HAPLN1: variants seen among roughly 807,000 people sequenced by gnomAD.
The protein encoded by HAPLN1 is Cartilage link protein.
HAPLN1 carries 13 observed loss-of-function variants against 36.5 expected under a neutral mutation model. The observed-to-expected ratio is 0.36, with a 90% CI of 0.23 to 0.57. The LOEUF is 0.57. Ranked by LOEUF, HAPLN1 falls within the 20% of genes least tolerant of loss-of-function variation. HAPLN1 has a pLI of 0.83. For missense variants in HAPLN1, 407 were observed against 439.7 expected, an observed-to-expected ratio of 0.93 and a Z score of 0.66; for synonymous variants, 202 against 169.8, an observed-to-expected ratio of 1.19 and a Z score of -1.48.
At chr5:83,658,004 C>T (rs1208116904) in intron 2 of HAPLN1, among the ~76,000 whole-genome samples, 3 of 152,082 alleles carry the variant, frequency 2.0e-5, no homozygotes, top group Non-Finnish European at 4.4e-5. Flanking sequence ...GCAACCATCA[C>T]CACTACCCCT....
intron 2 of HAPLN1, among the ~76,000 whole-genome samples, chr5:83,654,291 G>A (rs1008344905): frequency 2.0e-5 from 3 of 152,144 alleles, no homozygotes; most frequent in African/African-American, 7.2e-5. Flanking sequence ...AATGAAATGC[G>A]AGGATAATGG....
At chr5:83,698,509 A>T (rs930919429) in intron 1 of HAPLN1, among the ~76,000 whole-genome samples, 2 of 152,184 alleles carry the variant, frequency 1.3e-5, no homozygotes, top group Non-Finnish European at 2.9e-5. Flanking sequence ...AGAATTTATG[A>T]AACTAAATCT....
chr5:83,644,045 C>T (rs1370129086), intron 4 of HAPLN1, among the ~76,000 whole-genome samples: 1 of 152,118 alleles, frequency 6.6e-6, no homozygotes, highest in African/African-American at 2.4e-5. Context: ...CCATATCCTA[C>T]GGAGGGCACA....
chr5:83,679,803 G>A (rs912537905), intron 1 of HAPLN1, among the ~76,000 whole-genome samples: 5 of 152,178 alleles, frequency 3.3e-5, no homozygotes, highest in Admixed American at 6.5e-5. Flanking sequence ...CCATGAAGAA[G>A]TGATTCAACT....
intron 1 of HAPLN1, among the ~76,000 whole-genome samples, chr5:83,676,800 A>G (rs535437417): frequency 6.6e-6 from 1 of 152,152 alleles, no homozygotes; most frequent in African/African-American, 2.4e-5. Context: ...CCTGCAATTC[A>G]CACATTGAAG....
rs1039384377 is a variant in HAPLN1, at chr5:83,707,481, G to C, written c.-27+13308C>G. ...CAAAACTGATAAAAACAAGCAATGG[G>C]GAAAAGACTCCCTATACAATAAGTG... On this transcript the variant is annotated intron_variant, in intron 1 of 4. Transcript: ENST00000274341. Among the ~76,000 whole-genome samples, 5 of 152,228 alleles carry C rather than the reference G, an allele frequency of 3.3e-5. No homozygotes were observed. The South Asian group carries it at 1.0e-3, about 32-fold the overall frequency.
chr5:83,646,467 CAAG>C (rs994834075), intron 3 of HAPLN1, among the ~76,000 whole-genome samples: 1 of 152,152 alleles, frequency 6.6e-6, no homozygotes, highest in Non-Finnish European at 1.5e-5. Flanking sequence ...GAAGACTCTA[CAAG>C]AAGAAATTTC....
chr5:83,657,561 T>C (rs971878042), intron 2 of HAPLN1, among the ~76,000 whole-genome samples: 1 of 152,162 alleles, frequency 6.6e-6, no homozygotes, highest in African/African-American at 2.4e-5. Flanking sequence ...CTAGAAAGCC[T>C]TTCCCATTAG....
intron 1 of HAPLN1, among the ~76,000 whole-genome samples, chr5:83,710,100 G>A (rs977695381): frequency 6.6e-6 from 1 of 152,206 alleles, no homozygotes; most frequent in Non-Finnish European, 1.5e-5. Flanking sequence ...TGCTAGTGCA[G>A]GTGGTTTAGA....
chr5:83,645,227 C>T (rs1156341697), intron 3 of HAPLN1, among the ~76,000 whole-genome samples: 1 of 152,106 alleles, frequency 6.6e-6, no homozygotes, highest in Non-Finnish European at 1.5e-5. Flanking sequence ...AATGTATAAA[C>T]AAGCATATTA....
chr5:83,686,532 G>A (rs1191436151), intron 1 of HAPLN1, among the ~76,000 whole-genome samples: 1 of 152,152 alleles, frequency 6.6e-6, no homozygotes, highest in Non-Finnish European at 1.5e-5. Context: ...AAGTAAGAAG[G>A]ATCAATGTCG....
chr5:83,679,831 T>G (rs1327587031), intron 1 of HAPLN1, among the ~76,000 whole-genome samples: 1 of 152,202 alleles, frequency 6.6e-6, no homozygotes, highest in African/African-American at 2.4e-5. Context: ...GGTCAAGTAT[T>G]TTTTATCTGT....
chr5:83,669,263 G>GA (rs1284487940), intron 2 of HAPLN1, among the ~76,000 whole-genome samples: 2 of 152,162 alleles, frequency 1.3e-5, no homozygotes, highest in African/African-American at 4.8e-5. Context: ...AACACTTTGG[G>GA]AGGCTGATGT....
rs1750104111 is a variant in HAPLN1, at chr5:83,652,697, T to G, written c.228A>C (p.Lys76Asn). 1 of 1,614,048 alleles carries G rather than the reference T, an allele frequency of 6.2e-7. No individual in the cohort carries two copies. Residue 76 changes from lysine (K) to asparagine (N), a missense_variant, in exon 3 of 5, where the codon AAA becomes AAC. Coordinates refer to ENST00000274341, the MANE Select transcript of HAPLN1 (RefSeq NM_001884.4). ...TTAGCTTGGTCCACTTAATTCGGAT[T>G]TTATGGATTCCTGAGCCAAATGCTG... is the stretch of plus-strand genomic sequence containing the variant. Reference protein sequence around the residue: ...DPTAFGSGIHKIRIKWTKLTS... With the variant: ...DPTAFGSGIHNIRIKWTKLTS...
Position 83,697,112 on chromosome 5 carries a change from C to G in HAPLN1, c.-26-23563G>C, listed in dbSNP as rs1303857079. Among the ~76,000 whole-genome samples, 8 of 152,128 alleles carry G rather than the reference C, an allele frequency of 5.3e-5. No individual in the cohort carries two copies. The East Asian group carries it at 1.4e-3, about 26-fold the overall frequency. ...ACTTTCTGTCTCTATGGATGCCATT[C>G]TAAATGATTCTAAATGATTCAATGA... On this transcript the variant is annotated intron_variant, in intron 1 of 4. Coordinates refer to ENST00000274341, the MANE Select transcript of HAPLN1 (RefSeq NM_001884.4).
At chr5:83,675,882 C>T (rs1245629666) in intron 1 of HAPLN1, among the ~76,000 whole-genome samples, 1 of 152,172 alleles carries the variant, frequency 6.6e-6, no homozygotes, top group Non-Finnish European at 1.5e-5. Context: ...GGAAGGTACA[C>T]ATCTAGTAAG....
intron 1 of HAPLN1, among the ~76,000 whole-genome samples, chr5:83,684,828 C>T (rs910757059): frequency 1.6e-4 from 24 of 152,138 alleles, no homozygotes; most frequent in African/African-American, 5.8e-4. Flanking sequence ...TTTATCTTTA[C>T]ATACCTCATA....
chr5:83,706,864 A>G (rs185696450), intron 1 of HAPLN1, among the ~76,000 whole-genome samples: 50 of 152,284 alleles, frequency 3.3e-4, no homozygotes, highest in African/African-American at 9.9e-4. Flanking sequence ...CCTTCAGCTG[A>G]TAACTTCAGC....
At chr5:83,701,444 A>T (rs922894313) in intron 1 of HAPLN1, among the ~76,000 whole-genome samples, 2 of 152,206 alleles carry the variant, frequency 1.3e-5, no homozygotes, top group African/African-American at 4.8e-5. Flanking sequence ...ATCAACAAAC[A>T]TCTGCCTATT....
Sources: allele counts gnomAD v4.1 joint callset (sites outside exome capture counted in the v4.1 genomes callset), GRCh38; gene constraint gnomAD v4.1.1; transcripts MANE v1.5; gene names NCBI Gene and HGNC (gene_info 2026-07-23, HGNC 2026-07-21).